The following HMGN1 variants were observed in gnomAD, a reference collection of about 807,000 sequenced individuals.
The protein encoded by HMGN1 is high mobility group nucleosome binding domain 1.
Under a neutral mutation model 18.4 loss-of-function variants are expected in HMGN1, and 9 were observed. The ratio of observed to expected loss-of-function variants is 0.49; its 90% confidence interval spans 0.29 to 0.85. The LOEUF is 0.85. Ranked by LOEUF, HMGN1 falls within the 40% of genes least tolerant of loss-of-function variation. The probability of loss-of-function intolerance (pLI) is 0.07; values close to 1 mark genes in which losing one functional copy is unlikely to be tolerated. For synonymous variants in HMGN1, 59 were observed against 45.0 expected (o/e 1.31, Z -1.24); for missense variants, 151 against 119.2 (o/e 1.27, Z -1.24).
chr21:39,347,914 AC>A, intron 4 of HMGN1: 1 of 1,047,974 alleles, frequency 9.5e-7, no homozygotes, highest in Non-Finnish European at 1.2e-6. Context: ...ATAAAAACTT[AC>A]ACGTTCCCTT....
Position 39,345,510 on chromosome 21 carries a change from A to G in HMGN1, c.127-236T>C, listed in dbSNP as rs2037020417. ...CAGCTGTCATATTAATGTCTATCAC[A>G]CATCAGTTGATACACCTATTACATG... On this transcript the variant is annotated intron_variant, in intron 4 of 5. Coordinates refer to ENST00000380749, the MANE Select transcript of HMGN1 (RefSeq NM_004965.7). 9 of 558,010 alleles carry G rather than the reference A, an allele frequency of 1.6e-5. No individual in the cohort carries two copies. The South Asian group carries it at 1.7e-4, about 10-fold the overall frequency. The allele number at this position is 558,010 out of a possible 1,614,324, so 34.6% of individuals were successfully genotyped here.
At chr21:39,344,327 A>G (rs1333408993) in intron 5 of HMGN1, among the ~76,000 whole-genome samples, 2 of 152,040 alleles carry the variant, frequency 1.3e-5, no homozygotes, top group Admixed American at 1.3e-4. Context: ...TGTGATTATA[A>G]ATTTCTTAAC....
At chr21:39,346,969 G>A (rs2037075369) in intron 4 of HMGN1, 1 of 152,192 alleles carries the variant, frequency 6.6e-6, no homozygotes, top group South Asian at 2.1e-4. Context: ...CTTTACAGTA[G>A]ATCTCAAGAT....
At position 39,345,155 on chromosome 21, in the gene HMGN1, C is replaced by A; in HGVS notation, c.246G>T (p.Lys82Asn). 1 of 1,534,832 alleles carries A rather than the reference C, an allele frequency of 6.5e-7. No individual in the cohort carries two copies. Among genetic ancestry groups the A allele is most frequent in the African/African-American group, 1.5e-5 (1 of 67,892 alleles). Residue 82 changes from lysine to asparagine, a missense_variant, in exon 5 of 6, where the codon AAG (lysine) becomes AAT (asparagine). By Grantham distance (94) the Lys-to-Asn change is moderately conservative (BLOSUM62 0). Coordinates refer to ENST00000380749, the MANE Select transcript of HMGN1 (RefSeq NM_004965.7). Reference protein sequence around the residue: ...EDLPAENGETKTEESPASDEA... With the variant: ...EDLPAENGETNTEESPASDEA... ...CACACACACTTCTGACCTCCTCAGT[C>A]TTCGTTTCCCCGTTTTCCGCAGGTA...
chr21:39,344,805 T>A (rs867834698), intron 5 of HMGN1, among the ~76,000 whole-genome samples: 19 of 152,036 alleles, frequency 1.2e-4, no homozygotes, highest in Admixed American at 4.6e-4. Flanking sequence ...GAAATGAAAG[T>A]GGGAAAAAAA....
At chr21:39,347,757 C>G (rs751893744) in intron 4 of HMGN1, 20 of 275,238 alleles carry the variant, frequency 7.3e-5, no homozygotes, top group Non-Finnish European at 2.1e-5. Flanking sequence ...TGTTAGGGAG[C>G]AGCCAAAATC....
chr21:39,347,310 G>A (rs9979585), intron 4 of HMGN1: 12,026 of 969,438 alleles, frequency 0.012, 88 homozygotes, highest in Non-Finnish European at 0.014. Context: ...AGAAAACATA[G>A]TTAACATTTT....
chr21:39,347,578 C>T (rs554797140), intron 4 of HMGN1: 3 of 473,478 alleles, frequency 6.3e-6, no homozygotes, highest in East Asian at 1.4e-4. Context: ...TTAATCACCC[C>T]GCGAAGAACA....
chr21:39,348,913 G>A lies in HMGN1; in HGVS notation c.5C>T (p.Pro2Leu). 8.5e-7 allele frequency: 1 copy of A among 1,179,302 alleles called. No individual in the cohort carries two copies. The highest frequency in any genetic ancestry group is 3.6e-5 in the East Asian group (1 of 27,924). 73.1% of individuals were successfully genotyped at this position (1,179,302 alleles called of 1,614,324 possible). A position where few individuals can be genotyped will look rare whatever the true frequency, so the allele number is the denominator to read the frequency against. MPKRKVSSAEGA... is the reference protein window; with the variant it reads MLKRKVSSAEGA... The stretch of plus-strand genomic sequence containing the variant: ...GCGGCCGCCGCTCACCTTCCTCTTG[G>A]GCATCGTGGCGGCGGGGAAGGCGCG... The change falls in exon 1 of 6, where the codon CCC becomes CTC. Residue 2 changes from proline to leucine, a missense_variant. Pro to Leu is a moderately conservative substitution (Grantham distance 98). Transcript: ENST00000380749.
chr21:39,343,381 G>C (rs936382480), intron 5 of HMGN1, among the ~76,000 whole-genome samples: 5 of 152,140 alleles, frequency 3.3e-5, no homozygotes, highest in Non-Finnish European at 5.9e-5. Flanking sequence ...AAAAAATGTT[G>C]AGTTGCATCA....
chr21:39,343,337 TTC>T (rs1391903255), intron 5 of HMGN1, among the ~76,000 whole-genome samples, 178 bp from the exon 6 acceptor site: 2 of 152,202 alleles, frequency 1.3e-5, no homozygotes, highest in Non-Finnish European at 2.9e-5. Flanking sequence ...CTTGCAGCCC[TTC>T]CATGGTCATG....
chr21:39,348,716 C>T (rs1601562972), intron 1 of HMGN1, 139 bp from the exon 2 acceptor site: 3 of 1,175,854 alleles, frequency 2.6e-6, no homozygotes, highest in South Asian at 1.7e-5. Context: ...TCAGCTCCCC[C>T]GGCCGCCAAA....
Position 39,348,580 on chromosome 21 carries a change from G to GCGGAGA in HMGN1, c.16-9_16-4dup, listed in dbSNP as rs758194960. ...GCGGCGCCTTCGGCGGAGCTGACCT[G>GCGGAGA]CGGAGACGGAGACGCACGAATAGAG... On this transcript the variant is annotated splice_polypyrimidine_tract_variant and splice_region_variant and intron_variant, in intron 1 of 5. Transcript: ENST00000380749. The GCGGAGA allele has an allele frequency of 3.7e-6, 6 of 1,602,634 alleles. No individual in the cohort carries two copies. Among genetic ancestry groups the GCGGAGA allele is most frequent in the South Asian group, 1.1e-5 (1 of 90,270 alleles).
At position 39,345,854 on chromosome 21, in the gene HMGN1, G is replaced by A. The variant is rs138932762; in HGVS notation, c.127-580C>T. The A allele has an allele frequency of 3.5e-4, 462 of 1,302,694 alleles. 2 individuals are homozygous for A. In the African/African-American group the frequency reaches 5.3e-3, roughly 15 times the overall value. The allele number at this position is 1,302,694 out of a possible 1,614,324, so 80.7% of individuals were successfully genotyped here. A position where few individuals can be genotyped will look rare whatever the true frequency, so the allele number is the denominator to read the frequency against. On this transcript the variant is annotated intron_variant, in intron 4 of 5. Coordinates refer to ENST00000380749, the MANE Select transcript of HMGN1 (RefSeq NM_004965.7). ...CCTGAAAAAAAGCACCATGCCGTACGGTCAGGTTGACTATCCTGCTACAGT... is the reference window on the plus strand; with the variant it reads ...CCTGAAAAAAAGCACCATGCCGTACAGTCAGGTTGACTATCCTGCTACAGT...
In HMGN1 at chr21:39,342,819, C is replaced by A; in HGVS notation, c.*293G>T. On this transcript the variant is annotated 3_prime_UTR_variant, in exon 6 of 6. Coordinates refer to ENST00000380749, the MANE Select transcript of HMGN1 (RefSeq NM_004965.7). ...TTGTATTATAGGATATAAAAACTAA[C>A]CCCCCATCTGTGGAATGTTAAGCTG... is the stretch of plus-strand genomic sequence containing the variant. The A allele has an allele frequency of 7.1e-7, 1 of 1,406,874 alleles. No homozygotes were observed. Among genetic ancestry groups the A allele is most frequent in the Admixed American group, 2.1e-5 (1 of 47,468 alleles). 87.1% of individuals were successfully genotyped at this position (1,406,874 alleles called of 1,614,324 possible).
intron 1 of HMGN1, 128 bp from the exon 2 acceptor site, chr21:39,348,705 C>A: frequency 8.2e-7 from 1 of 1,212,982 alleles, no homozygotes; most frequent in South Asian, 1.6e-5. Flanking sequence ...GAATAGCCCC[C>A]TCAGCTCCCC....
intron 4 of HMGN1, chr21:39,345,549 T>TCC: frequency 2.0e-6 from 1 of 506,078 alleles, no homozygotes. Context: ...CAACTTAAGG[T>TCC]CCCCCCCAGT....
In HMGN1 at chr21:39,342,824, C is replaced by T; in HGVS notation, c.*288G>A. On this transcript the variant is annotated 3_prime_UTR_variant, in exon 6 of 6. Transcript: ENST00000380749. The stretch of plus-strand genomic sequence containing the variant: ...TTATAGGATATAAAAACTAACCCCC[C>T]ATCTGTGGAATGTTAAGCTGACACC... 1.4e-6 allele frequency: 2 copies of T among 1,423,916 alleles called. No individual in the cohort carries two copies. Among genetic ancestry groups the T allele is most frequent in the Non-Finnish European group, 1.9e-6 (2 of 1,077,198 alleles). The allele number at this position is 1,423,916 out of a possible 1,614,324, so 88.2% of individuals were successfully genotyped here.
intron 5 of HMGN1, 144 bp downstream of exon 5, chr21:39,345,002 C>T (rs1011864944): frequency 2.1e-6 from 2 of 962,582 alleles, no homozygotes; most frequent in African/African-American, 1.6e-5. Flanking sequence ...ACCATTTGTC[C>T]AATCACTTTG....
Sources: gnomAD v4.1 joint callset for allele counts (sites outside exome capture counted in the v4.1 genomes callset) on GRCh38, gnomAD v4.1.1 for gene constraint, MANE v1.5 for transcripts, NCBI Gene and HGNC (gene_info 2026-07-23, HGNC 2026-07-21) for gene names.